GPCPD1: variants seen among roughly 807,000 people sequenced by gnomAD.
The protein encoded by GPCPD1 is glycerophosphocholine phosphodiesterase 1.
In GPCPD1, 29 loss-of-function variants were observed where a neutral mutation model predicts 89.2. The ratio of observed to expected loss-of-function variants is 0.33; its 90% CI spans 0.24 to 0.44. The LOEUF (loss-of-function observed/expected upper bound fraction) is 0.44. Among genes scored for constraint, GPCPD1 ranks in the 20% least tolerant of loss-of-function variants. The probability of loss-of-function intolerance (pLI) is 1.00; values close to 1 mark genes in which losing one functional copy is unlikely to be tolerated. For synonymous variants in GPCPD1, 258 were observed against 266.3 expected (o/e 0.97, Z 0.30); for missense variants, 594 against 808.9 (o/e 0.73, Z 3.22).
intron 4 of GPCPD1, among the ~76,000 whole-genome samples, chr20:5,586,875 T>A (rs1978962224): frequency 6.6e-6 from 1 of 152,210 alleles, no homozygotes; most frequent in Admixed American, 6.5e-5. Context: ...CGGGAAATTC[T>A]AGAAGGGACA....
intron 11 of GPCPD1, among the ~76,000 whole-genome samples, chr20:5,571,258 A>T (rs1218511974): frequency 1.3e-5 from 2 of 152,230 alleles, no homozygotes; most frequent in Admixed American, 6.5e-5. Context: ...TATTTTAAAC[A>T]AGACAATACC....
At chr20:5,580,464 G>A (rs192684430) in intron 6 of GPCPD1, among the ~76,000 whole-genome samples, 33 of 152,172 alleles carry the variant, frequency 2.2e-4, no homozygotes, top group African/African-American at 6.7e-4. Context: ...GGTGGCTCAC[G>A]CCTGTAATCC....
chr20:5,570,483 C>T (rs531651687), intron 11 of GPCPD1, among the ~76,000 whole-genome samples: 15 of 151,002 alleles, frequency 9.9e-5, no homozygotes, highest in Admixed American at 4.6e-4. Context: ...TCAGAGGCAC[C>T]GCAGTGGCAG....
rs556021601 is a variant in GPCPD1, at chr20:5,578,565, C to T, written c.520G>A (p.Val174Ile). The T allele has an allele frequency of 4.7e-5, 76 of 1,613,374 alleles. No individual in the cohort carries two copies. In the South Asian group the frequency reaches 7.8e-4, roughly 17 times the overall value. The change falls in exon 8 of 20, where the codon GTA becomes ATA. Residue 174 changes from valine to isoleucine, a missense_variant. Coordinates refer to ENST00000379019, the MANE Select transcript of GPCPD1 (RefSeq NM_019593.5). ...ATTTTGTGGAGTACAGTGGGAGATA[C>T]CCTATCATCGTCATCTTCCTCCAGG... Reference protein sequence around the residue: ...EGLEEDDDDRVSPTVLHKMSN... With the variant: ...EGLEEDDDDRISPTVLHKMSN...
At chr20:5,605,796 T>C (rs1220010510) in intron 1 of GPCPD1, among the ~76,000 whole-genome samples, 1 of 152,070 alleles carries the variant, frequency 6.6e-6, no homozygotes, top group Non-Finnish European at 1.5e-5. Context: ...AGATTTTCTC[T>C]TTATTAACCC....
intron 4 of GPCPD1, among the ~76,000 whole-genome samples, chr20:5,588,796 G>T (rs1172097081): frequency 6.6e-6 from 1 of 151,980 alleles, no homozygotes; most frequent in African/African-American, 2.4e-5. Context: ...CTGCACTCCA[G>T]CCTGGGCGAT....
At chr20:5,608,392 T>A (rs183514112) in intron 1 of GPCPD1, among the ~76,000 whole-genome samples, 294 of 152,268 alleles carry the variant, frequency 1.9e-3, no homozygotes, top group Middle Eastern at 6.8e-3. Context: ...ATTTCCACCC[T>A]GAGCGCCCCC....
At position 5,584,233 on chromosome 20, in the gene GPCPD1, C is replaced by G. The variant is rs1978754597; in HGVS notation, c.349+48G>C. Reference sequence around the variant, plus strand: ...ATAACTCCAGTGAAATGTAAAGTAACAATCTCAATCATTTCAGTAAACATT... The same window carrying G: ...ATAACTCCAGTGAAATGTAAAGTAAGAATCTCAATCATTTCAGTAAACATT... On this transcript the variant is annotated intron_variant, in intron 6 of 19. Coordinates refer to ENST00000379019, the MANE Select transcript of GPCPD1 (RefSeq NM_019593.5). The G allele has an allele frequency of 3.5e-6, 3 of 864,374 alleles. No individual in the cohort carries two copies. In the African/African-American group the frequency reaches 5.0e-5, roughly 14 times the overall value. 53.5% of individuals were successfully genotyped at this position (864,374 alleles called of 1,614,324 possible).
chr20:5,559,267 G>C (rs150937138), intron 17 of GPCPD1, among the ~76,000 whole-genome samples: 61 of 152,188 alleles, frequency 4.0e-4, no homozygotes, highest in Admixed American at 3.8e-3. Context: ...CCATTTCTCA[G>C]CTAAAACCAC....
At chr20:5,573,843 A>T in intron 11 of GPCPD1, 72 bp downstream of exon 11, 1 of 846,648 alleles carries the variant, frequency 1.2e-6, no homozygotes, top group Non-Finnish European at 2.1e-6. Context: ...AACTATTAAT[A>T]AAAACTGGAG....
At chr20:5,558,145 T>C (rs763783128) in intron 18 of GPCPD1, 40 bp from the exon 19 acceptor site, 57 of 1,283,752 alleles carry the variant, frequency 4.4e-5, no homozygotes, top group Non-Finnish European at 6.2e-5. Flanking sequence ...AAAAGAAACA[T>C]TAACTGCAAA....
intron 14 of GPCPD1, 149 bp from the exon 15 acceptor site, chr20:5,565,227 CTT>C (rs200724429): frequency 0.012 from 5,868 of 470,778 alleles, no homozygotes; most frequent in East Asian, 0.019. Flanking sequence ...TCTGAGATCC[CTT>C]TTTTTTTTTT....
chr20:5,555,975 T>C (rs1015031163), intron 19 of GPCPD1, among the ~76,000 whole-genome samples: 2 of 152,142 alleles, frequency 1.3e-5, no homozygotes, highest in African/African-American at 4.8e-5. Flanking sequence ...GCAGACTTCA[T>C]TTGTGTCTTA....
Position 5,561,666 on chromosome 20 carries a change from A to T in GPCPD1, c.1330-136T>A, listed in dbSNP as rs528782282. ...CAATAAAATGTTTTGTGCATAATGC[A>T]CAAACATATTTTGTCATACTCAAAG... On this transcript the variant is annotated intron_variant, in intron 15 of 19. Transcript: ENST00000379019. The T allele has an allele frequency of 2.9e-5, 16 of 550,152 alleles. No individual in the cohort carries two copies. The Admixed American group carries it at 3.0e-4, about 10-fold the overall frequency. The allele number at this position is 550,152 out of a possible 1,614,324, so 34.1% of individuals were successfully genotyped here. A position where few individuals can be genotyped will look rare whatever the true frequency, so the allele number is the denominator to read the frequency against.
intron 19 of GPCPD1, among the ~76,000 whole-genome samples, chr20:5,552,189 G>A (rs745480953): frequency 6.6e-6 from 1 of 152,098 alleles, no homozygotes; most frequent in East Asian, 1.9e-4. Flanking sequence ...AATGTTGAGG[G>A]TAAAAACCAA....
chr20:5,598,375 C>T (rs1304569851), intron 3 of GPCPD1, among the ~76,000 whole-genome samples: 1 of 152,048 alleles, frequency 6.6e-6, no homozygotes, highest in Non-Finnish European at 1.5e-5. Context: ...CACTGTACTC[C>T]AGCCTGGGTA....
rs554783376 is a variant in GPCPD1 at position 5,547,503 on chromosome 20, G to C, written c.*158C>G. On this transcript the variant is annotated 3_prime_UTR_variant, in exon 20 of 20. Coordinates refer to ENST00000379019, the MANE Select transcript of GPCPD1 (RefSeq NM_019593.5). The stretch of plus-strand genomic sequence containing the variant: ...TATACCTGGCCAAGTAATTTAAATA[G>C]CATACTTGCAAGAACTGTAGTGAAA... 14 of 421,158 alleles carry C rather than the reference G, an allele frequency of 3.3e-5. No homozygotes were observed. The East Asian group carries it at 4.2e-4, about 13-fold the overall frequency. 26.1% of individuals were successfully genotyped at this position (421,158 alleles called of 1,614,324 possible).
chr20:5,579,890 T>C (rs758644140), intron 7 of GPCPD1, 118 bp downstream of exon 7: 12 of 618,520 alleles, frequency 1.9e-5, no homozygotes, highest in Non-Finnish European at 3.2e-5. Flanking sequence ...GCCCTGTAGT[T>C]ACTAGAATAT....
chr20:5,544,866 G>C lies in GPCPD1; in HGVS notation c.*2795C>G, dbSNP rs1348602895. ...TGTTTCAGACAAGCAAAGCAGTACT[G>C]AGGTAGCTGTAAGCTTGGAGTTTGG... is the stretch of plus-strand genomic sequence containing the variant. On this transcript the variant is annotated 3_prime_UTR_variant, in exon 20 of 20. Coordinates refer to ENST00000379019, the MANE Select transcript of GPCPD1 (RefSeq NM_019593.5). 1.3e-5 allele frequency: 2 copies of C among 152,268 alleles called. No individual in the cohort carries two copies. The highest frequency in any genetic ancestry group is 3.9e-4 in the East Asian group (2 of 5,178). 9.4% of individuals were successfully genotyped at this position (152,268 alleles called of 1,614,324 possible). A position where few individuals can be genotyped will look rare whatever the true frequency, so the allele number is the denominator to read the frequency against.
Sources: allele counts gnomAD v4.1 joint callset (sites outside exome capture counted in the v4.1 genomes callset), GRCh38; gene constraint gnomAD v4.1.1; transcripts MANE v1.5; gene names NCBI Gene and HGNC (gene_info 2026-07-23, HGNC 2026-07-21).